The following ZBTB46 variants were observed in gnomAD, a reference collection of about 807,000 sequenced individuals.
ZBTB46 encodes the protein zinc finger and BTB domain containing 46.
A neutral mutation model predicts 44.1 loss-of-function variants in ZBTB46; 8 were observed. The ratio of observed to expected loss-of-function variants is 0.18; its 90% confidence interval spans 0.11 to 0.33. The LOEUF (loss-of-function observed/expected upper bound fraction) is 0.33, where lower values mean the gene tolerates loss of function less well. Among genes scored for constraint, ZBTB46 ranks in the 10% least tolerant of loss-of-function variants. ZBTB46 has a pLI of 1.00. For synonymous variants in ZBTB46, 409 were observed against 382.3 expected (o/e 1.07, Z -0.81); for missense variants, 651 against 847.7 (o/e 0.77, Z 2.88).
chr20:63,832,241 C>T (rs976402354), upstream of ZBTB46, among the ~76,000 whole-genome samples: 1 of 152,192 alleles, frequency 6.6e-6, no homozygotes, highest in African/African-American at 2.4e-5. This position sits in a 1 kb window ranked among gnomAD's most constrained non-coding sequence, Gnocchi z 5.0. Context: ...CCTCAGCCCT[C>T]GGGCGGGTAG....
chr20:63,785,928 A>T (rs2092510860), intron 2 of ZBTB46, among the ~76,000 whole-genome samples: 1 of 152,246 alleles, frequency 6.6e-6, no homozygotes, highest in South Asian at 2.1e-4. Flanking sequence ...GGATTCTAAA[A>T]ACACCTTCTG....
intron 3 of ZBTB46, chr20:63,768,016 A>G (rs1163852707): frequency 1.0e-6 from 1 of 985,488 alleles, no homozygotes; most frequent in Non-Finnish European, 1.2e-6. Context: ...ACAGACCGTC[A>G]GGATGGGATA....
At chr20:63,775,342 G>A (rs2092415693) in intron 3 of ZBTB46, 1 of 242,810 alleles carries the variant, frequency 4.1e-6, no homozygotes, top group African/African-American at 2.2e-5. Context: ...CCCGTCTCTG[G>A]AGCACAAAGA....
chr20:63,772,722 AAC>A (rs67126549), intron 3 of ZBTB46, among the ~76,000 whole-genome samples: 354 of 20,250 alleles, frequency 0.017, 1 homozygote, highest in East Asian at 0.071. Flanking sequence ...CTGTCTCAAA[AAC>A]ACACACACAC....
chr20:63,750,058 C>T (rs540629487), intron 4 of ZBTB46, among the ~76,000 whole-genome samples: 26 of 152,284 alleles, frequency 1.7e-4, no homozygotes, highest in South Asian at 4.1e-4. Context: ...CTTCCTGGAG[C>T]GGGTGGAGGG....
intron 1 of ZBTB46, among the ~76,000 whole-genome samples, chr20:63,811,015 A>G (rs2092714654): frequency 6.6e-6 from 1 of 152,256 alleles, no homozygotes; most frequent in Non-Finnish European, 1.5e-5. Context: ...GGAGAGCACC[A>G]GCCGGCGTCC....
chr20:63,816,048 G>C (rs1199114803), intron 1 of ZBTB46, among the ~76,000 whole-genome samples: 8 of 143,730 alleles, frequency 5.6e-5, no homozygotes, highest in Non-Finnish European at 1.1e-4. Context: ...TGCGGTGGGT[G>C]CAGGTGCGGT....
intron 1 of ZBTB46, among the ~76,000 whole-genome samples, chr20:63,814,725 T>C (rs1397779880): frequency 6.6e-6 from 1 of 152,184 alleles, no homozygotes; most frequent in African/African-American, 2.4e-5. Context: ...GCAGGCAACT[T>C]AGAATGCTCG....
At chr20:63,829,805 G>A (rs1458749456) in intron 1 of ZBTB46, among the ~76,000 whole-genome samples, 1 of 152,236 alleles carries the variant, frequency 6.6e-6, no homozygotes, top group East Asian at 1.9e-4. Context: ...TGCAGAGGCA[G>A]CGTGAGTGCC....
intron 1 of ZBTB46, among the ~76,000 whole-genome samples, chr20:63,812,638 G>A (rs2092724071): frequency 6.6e-6 from 1 of 152,164 alleles, no homozygotes; most frequent in Non-Finnish European, 1.5e-5. Flanking sequence ...AATTAGCTGG[G>A]TGTGGTGGCA....
intron 1 of ZBTB46, among the ~76,000 whole-genome samples, chr20:63,829,560 A>C (rs2092837051): frequency 6.6e-6 from 1 of 152,164 alleles, no homozygotes; most frequent in African/African-American, 2.4e-5. Flanking sequence ...TTCCCACCTA[A>C]ATTTGCAGTA....
upstream of ZBTB46, among the ~76,000 whole-genome samples, chr20:63,832,726 C>T (rs1016385878): frequency 5.3e-5 from 8 of 152,152 alleles, no homozygotes; most frequent in Non-Finnish European, 1.2e-4. The surrounding 1 kb of genome is among the most constrained non-coding windows in gnomAD (Gnocchi z 5.0). Flanking sequence ...CTACCTCGCG[C>T]GGCACCCTCT....
chr20:63,820,057 G>A (rs995838013), intron 1 of ZBTB46, among the ~76,000 whole-genome samples: 1 of 152,156 alleles, frequency 6.6e-6, no homozygotes, highest in Non-Finnish European at 1.5e-5. Context: ...GTATAACGAA[G>A]AAAAGAAAGC....
intron 1 of ZBTB46, among the ~76,000 whole-genome samples, chr20:63,818,871 C>CA (rs141702422): frequency 0.033 from 2,668 of 79,872 alleles, 136 homozygotes; most frequent in African/African-American, 0.11. Context: ...AACTCCAGCT[C>CA]AAAAAAAAAA....
At chr20:63,756,897 A>C (rs1229101962) in intron 3 of ZBTB46, among the ~76,000 whole-genome samples, 1 of 152,222 alleles carries the variant, frequency 6.6e-6, no homozygotes, top group Admixed American at 6.5e-5. Context: ...CATCCTGTAG[A>C]TACCAGTTTG....
chr20:63,755,729 A>T (rs971976821), intron 3 of ZBTB46, among the ~76,000 whole-genome samples: 2 of 152,198 alleles, frequency 1.3e-5, no homozygotes, highest in African/African-American at 4.8e-5. Context: ...TCCATGATTT[A>T]TTTGTGATTT....
At chr20:63,814,806 C>T (rs932873712) in intron 1 of ZBTB46, 3 of 152,630 alleles carry the variant, frequency 2.0e-5, no homozygotes, top group African/African-American at 7.2e-5. Context: ...AATTAAAGTT[C>T]CACATGTTAC....
chr20:63,747,494 G>GGTGGGGGGGCGGGGC (rs2092112349), intron 4 of ZBTB46, among the ~76,000 whole-genome samples, 193 bp from the exon 5 acceptor site: 1 of 66,874 alleles, frequency 1.5e-5, no homozygotes, highest in Non-Finnish European at 3.1e-5. Flanking sequence ...GGGCCCGGTG[G>GGTGGGGGGGCGGGGC]AGGTTGGGAG....
At chr20:63,791,398 A>C (rs993693619) in intron 1 of ZBTB46, among the ~76,000 whole-genome samples, 11 of 145,222 alleles carry the variant, frequency 7.6e-5, no homozygotes, top group Non-Finnish European at 7.5e-5. Context: ...CAGGAGGCTG[A>C]GGCAGGAGAA....
Sources: allele counts gnomAD v4.1 joint callset (sites outside exome capture counted in the v4.1 genomes callset), GRCh38; gene constraint gnomAD v4.1.1; non-coding constraint Gnocchi (gnomAD v3.1); transcripts MANE v1.5; gene names NCBI Gene and HGNC (gene_info 2026-07-23, HGNC 2026-07-21).